Variants in USP33 observed in about 807,000 individuals in gnomAD.
USP33 encodes ubiquitin specific peptidase 33, also known as ubiquitin carboxyl-terminal hydrolase 33.
Under a neutral mutation model 124.2 loss-of-function variants are expected in USP33, and 46 were observed. The ratio of observed to expected loss-of-function variants is 0.37; its 90% CI spans 0.29 to 0.47. The LOEUF is 0.47. Among genes scored for constraint, USP33 ranks in the 20% least tolerant of loss-of-function variants. USP33 has a pLI of 0.99. For synonymous variants in USP33, 350 were observed against 352.3 expected (o/e 0.99, Z 0.07); for missense variants, 851 against 1,070.6 (o/e 0.79, Z 2.86).
At position 77,721,896 on chromosome 1, in the gene USP33, A is replaced by C. The variant is rs1459744112; in HGVS notation, c.1592T>G (p.Phe531Cys). The C allele has an allele frequency of 6.2e-7, 1 of 1,610,720 alleles. No homozygotes were observed. The highest frequency in any genetic ancestry group is 1.3e-5 in the African/African-American group (1 of 74,698). The change falls in exon 14 of 24, where the codon TTT becomes TGT. Residue 531 changes from phenylalanine (F) to cysteine (C), a missense_variant. This residue lies in a region of USP33 where 281 missense variants were observed against 425.0 expected (regional missense o/e 0.66). Transcript: ENST00000370794. Reference protein sequence around the residue: ...RFVVSCVPSWFWGPVVTLQDC... With the variant: ...RFVVSCVPSWCWGPVVTLQDC... Reference sequence around the variant, plus strand: ...TTGCAAGGTTACTACTGGACCCCAAAACCAGCTAGGGACACATGAGACAAC... The same window carrying C: ...TTGCAAGGTTACTACTGGACCCCAACACCAGCTAGGGACACATGAGACAAC...
At chr1:77,729,492 G>A (rs531279111) in intron 9 of USP33, among the ~76,000 whole-genome samples, 12 of 151,644 alleles carry the variant, frequency 7.9e-5, no homozygotes, top group African/African-American at 2.9e-4. Flanking sequence ...CCAACATGAC[G>A]AAACCCTATC....
At chr1:77,746,104 G>A (rs923409923) in intron 1 of USP33, among the ~76,000 whole-genome samples, 1 of 151,986 alleles carries the variant, frequency 6.6e-6, no homozygotes, top group Non-Finnish European at 1.5e-5. Context: ...CTGGTTTTTT[G>A]AAAAGATCAA....
intron 1 of USP33, among the ~76,000 whole-genome samples, chr1:77,750,409 G>C (rs1031013374): frequency 1.3e-5 from 2 of 152,148 alleles, no homozygotes; most frequent in Admixed American, 1.3e-4. Context: ...AAGGCGGGAA[G>C]ATCATTTGAG....
intron 20 of USP33, 40 bp downstream of exon 20, chr1:77,713,160 G>T (rs369199174): frequency 1.3e-6 from 2 of 1,542,988 alleles, no homozygotes; most frequent in South Asian, 1.2e-5. Flanking sequence ...CAGTTTAACC[G>T]ACTTTCACAA....
chr1:77,746,867 A>C (rs1679794600), intron 1 of USP33, among the ~76,000 whole-genome samples: 1 of 152,230 alleles, frequency 6.6e-6, no homozygotes, highest in Non-Finnish European at 1.5e-5. Flanking sequence ...CTAGGTATTG[A>C]TGGGACATAT....
intron 21 of USP33, among the ~76,000 whole-genome samples, chr1:77,711,257 G>A (rs1358939258): frequency 6.6e-6 from 1 of 151,934 alleles, no homozygotes; most frequent in Non-Finnish European, 1.5e-5. Context: ...GCCAGGAGCA[G>A]TGGCTCATGC....
intron 1 of USP33, among the ~76,000 whole-genome samples, chr1:77,757,854 G>A (rs1409903366): frequency 1.3e-5 from 2 of 152,194 alleles, no homozygotes; most frequent in Non-Finnish European, 2.9e-5. Flanking sequence ...GAGCTCAGAG[G>A]ACTGGCATGA....
intron 21 of USP33, among the ~76,000 whole-genome samples, chr1:77,709,379 G>T (rs1674978112): frequency 1.3e-5 from 2 of 151,992 alleles, no homozygotes; most frequent in Admixed American, 1.3e-4. Context: ...GCTACACATG[G>T]TGGTGTGCAT....
intron 10 of USP33, 140 bp from the exon 11 acceptor site, chr1:77,725,902 T>C: frequency 1.2e-6 from 1 of 852,904 alleles, no homozygotes; most frequent in African/African-American, 1.8e-5. Flanking sequence ...ACAAAGTGCT[T>C]ACTAAGCAAA....
chr1:77,698,702 G>A (rs1331308051), intron 22 of USP33, among the ~76,000 whole-genome samples: 2 of 150,224 alleles, frequency 1.3e-5, no homozygotes, highest in Non-Finnish European at 3.0e-5. Context: ...GGGTTTCACC[G>A]TGTTAGCCAG....
intron 21 of USP33, among the ~76,000 whole-genome samples, chr1:77,705,085 A>T (rs1210336122): frequency 1.4e-5 from 2 of 139,404 alleles, no homozygotes; most frequent in Non-Finnish European, 3.0e-5. Flanking sequence ...TTTATATTCC[A>T]GTGTTATTTC....
chr1:77,747,563 C>T (rs1167473690), intron 1 of USP33, among the ~76,000 whole-genome samples: 1 of 152,126 alleles, frequency 6.6e-6, no homozygotes, highest in Non-Finnish European at 1.5e-5. Flanking sequence ...AAGCCTATTC[C>T]TAATCTATTC....
chr1:77,728,767 G>A (rs773506812), intron 9 of USP33, 55 bp from the exon 10 acceptor site: 35 of 1,528,754 alleles, frequency 2.3e-5, no homozygotes, highest in African/African-American at 2.2e-4. Flanking sequence ...ATATAGAAAC[G>A]TAAGGGAAAA....
chr1:77,738,188 T>C (rs1320947962), intron 5 of USP33, among the ~76,000 whole-genome samples: 5 of 152,180 alleles, frequency 3.3e-5, no homozygotes, highest in Non-Finnish European at 7.4e-5. Context: ...ATCACAAATA[T>C]CTACCATAAG....
intron 11 of USP33, among the ~76,000 whole-genome samples, chr1:77,723,768 C>G (rs1358577515): frequency 6.6e-6 from 1 of 152,002 alleles, no homozygotes; most frequent in African/African-American, 2.4e-5. Context: ...GGGTTCATGC[C>G]ATTCTCCTAC....
chr1:77,717,972 G>C lies in USP33; in HGVS notation c.1813C>G (p.Pro605Ala). ...GGCTGAAGATCCAAGCCTTCTAGCG[G>C]AAATGAAACATGGGTACTGATTTTG... ...STKISTHVSF[P>A]LEGLDLQPFL... The change falls in exon 17 of 24, where the codon CCG (proline) becomes GCG (alanine). Residue 605 changes from proline (P) to alanine (A), a missense_variant. Pro to Ala is a conservative substitution (Grantham distance 27, BLOSUM62 -1). Around this residue, in one of 4 missense-constraint regions of USP33, gnomAD observed 281 missense variants for 425.0 expected, o/e 0.66. Transcript: ENST00000370794. 1 of 1,614,034 alleles carries C rather than the reference G, an allele frequency of 6.2e-7. No homozygotes were observed. The highest frequency in any genetic ancestry group is 1.1e-5 in the South Asian group (1 of 91,052).
At chr1:77,737,463 T>C (rs1217669206) in intron 5 of USP33, among the ~76,000 whole-genome samples, 1 of 152,250 alleles carries the variant, frequency 6.6e-6, no homozygotes, top group African/African-American at 2.4e-5. Context: ...AAAATGTCTA[T>C]TTGAAAAATC....
At chr1:77,735,751 C>G (rs1197966424) in intron 6 of USP33, among the ~76,000 whole-genome samples, 1 of 152,132 alleles carries the variant, frequency 6.6e-6, no homozygotes, top group African/African-American at 2.4e-5. Context: ...TACCTAATAC[C>G]TCCCCATCAC....
chr1:77,725,890 T>A, intron 10 of USP33, 128 bp from the exon 11 acceptor site: 1 of 912,432 alleles, frequency 1.1e-6, no homozygotes, highest in Non-Finnish European at 1.6e-6. Flanking sequence ...GTTAAATACT[T>A]AACAAAGTGC....
Sources: allele counts gnomAD v4.1 joint callset (sites outside exome capture counted in the v4.1 genomes callset), GRCh38; gene constraint gnomAD v4.1.1; regional missense constraint gnomAD v4.1.1; transcripts MANE v1.5; gene names NCBI Gene and HGNC (gene_info 2026-07-23, HGNC 2026-07-21).